The following TSBP1 variants were observed in gnomAD, a reference collection of about 807,000 sequenced individuals.
TSBP1 encodes the protein testis expressed basic protein 1, also known as testis-expressed basic protein 1.
In TSBP1, 56 loss-of-function variants were observed where a neutral mutation model predicts 68.8. The observed-to-expected ratio is 0.81, with a 90% CI of 0.66 to 1.02. The LOEUF (loss-of-function observed/expected upper bound fraction) is 1.02, where lower values mean the gene tolerates loss of function less well. TSBP1 is among the 50% of genes least tolerant of loss of function. The pLI is 0.00. For synonymous variants in TSBP1, 171 were observed against 208.7 expected (o/e 0.82, Z 1.56); for missense variants, 502 against 641.2 (o/e 0.78, Z 2.34).
intron 15 of TSBP1, 162 bp downstream of exon 16, chr6:32,331,872 C>T (rs1204724592): frequency 3.2e-6 from 2 of 620,578 alleles, no homozygotes; most frequent in Non-Finnish European, 2.8e-6. Context: ...CTTTAACCCT[C>T]GCCTTCCCTC....
intron 6 of TSBP1, among the ~76,000 whole-genome samples, chr6:32,363,025 A>G (rs1583176549): frequency 6.6e-6 from 1 of 152,280 alleles, no homozygotes; most frequent in East Asian, 1.9e-4. Context: ...TCAGTTATGT[A>G]AATATTATAT....
chr6:32,328,011 A>G (rs557607370), intron 16 of TSBP1, among the ~76,000 whole-genome samples: 66 of 150,448 alleles, frequency 4.4e-4, no homozygotes, highest in African/African-American at 1.5e-3. Context: ...TCACTGTGTT[A>G]GCCAGGATGG....
At chr6:32,355,206 A>G in intron 7 of TSBP1, 62 bp from the exon 8 acceptor site, 4 of 1,543,972 alleles carry the variant, frequency 2.6e-6, no homozygotes, top group Non-Finnish European at 3.6e-6. Flanking sequence ...TAATCTTTAC[A>G]TATCAGCTTC....
chr6:32,320,738 G>A (rs536121972), intron 18 of TSBP1, among the ~76,000 whole-genome samples: 5 of 152,238 alleles, frequency 3.3e-5, no homozygotes, highest in African/African-American at 9.6e-5. Flanking sequence ...GTGCAAGGTT[G>A]TTATATAGGT....
chr6:32,295,633 C>T (rs2127556747), intron 22 of TSBP1, among the ~76,000 whole-genome samples: 1 of 152,156 alleles, frequency 6.6e-6, no homozygotes, highest in East Asian at 1.9e-4. Context: ...TAGTAGCTAC[C>T]TCAAAGAGGT....
intron 14 of TSBP1, among the ~76,000 whole-genome samples, chr6:32,334,183 A>G (rs2022536): frequency 6.6e-6 from 1 of 151,588 alleles, no homozygotes; most frequent in African/African-American, 2.4e-5. Flanking sequence ...CTTTCTCAAC[A>G]TACTCATTTC....
intron 9 of TSBP1, among the ~76,000 whole-genome samples, chr6:32,349,274 G>T (rs1423815059): frequency 1.3e-5 from 2 of 149,838 alleles, no homozygotes; most frequent in African/African-American, 4.9e-5. Context: ...CAAACCCTTA[G>T]TGTCAGTTGC....
In TSBP1 at chr6:32,363,579, C is replaced by T. The variant is rs564352204; in HGVS notation, c.217+2588G>A. ...AAGCTTACATAAAACATGGTTTCAA[C>T]AGTCTATTTGAAGCTAATAATAACT... On this transcript the variant is annotated intron_variant, in intron 6 of 22. Coordinates refer to ENST00000612031, the Ensembl canonical transcript of TSBP1. Among the ~76,000 whole-genome samples, 12 of 151,276 alleles carry T rather than the reference C, an allele frequency of 7.9e-5. No homozygotes were observed. In the South Asian group the frequency reaches 2.5e-3, roughly 32 times the overall value.
intron 3 of TSBP1, 47 bp downstream of exon 3, chr6:32,368,735 A>G (rs768195327): frequency 2.0e-6 from 3 of 1,512,680 alleles, no homozygotes; most frequent in Non-Finnish European, 2.7e-6. Flanking sequence ...ACTTGTGAAA[A>G]TTCTATAAGT....
chr6:32,327,967 T>A (rs9268249), intron 16 of TSBP1, among the ~76,000 whole-genome samples: 79,458 of 145,750 alleles, frequency 0.55, 21,403 homozygotes, highest in Middle Eastern at 0.71. Context: ...TATTATTATT[T>A]TTTTTTTTTT....
At chr6:32,295,349 C>CAAAAAAAAAAAAAAAAAA (rs3038432) in intron 22 of TSBP1, among the ~76,000 whole-genome samples, 1 of 90,844 alleles carries the variant, frequency 1.1e-5, no homozygotes, top group Non-Finnish European at 2.4e-5. Context: ...CACACACACA[C>CAAAAAAAAAAAAAAAAAA]AAAAAAAAAA....
At position 32,293,515 on chromosome 6, in the gene TSBP1, ACT is replaced by A; in HGVS notation, c.1156_1157del (p.Gln387ValfsTer30). 6.2e-7 allele frequency: 1 copy of A among 1,611,360 alleles called. No homozygotes were observed. Among genetic ancestry groups the A allele is most frequent in the Non-Finnish European group, 8.5e-7 (1 of 1,179,452 alleles). The stretch of plus-strand genomic sequence containing the variant: ...CCTGTCCCTTTGAGACACCAGACTG[ACT>A]CTTCTTTACTTGGGATTCCTGTCTT... On this transcript the variant is annotated frameshift_variant, in exon 23 of 23. Coordinates refer to ENST00000612031, the Ensembl canonical transcript of TSBP1. LOFTEE classifies it low-confidence loss of function (END_TRUNC).
chr6:32,363,411 T>C (rs1055027735), intron 6 of TSBP1, among the ~76,000 whole-genome samples: 3 of 152,170 alleles, frequency 2.0e-5, no homozygotes, highest in East Asian at 3.9e-4. Context: ...AGTTATTTTC[T>C]TGGTTGTTTT....
chr6:32,333,369 G>T lies in TSBP1; in HGVS notation c.473-1315C>A, dbSNP rs927575792. Among the ~76,000 whole-genome samples, 2 of 152,156 alleles carry T rather than the reference G, an allele frequency of 1.3e-5. No homozygotes were observed. Among genetic ancestry groups the T allele is most frequent in the African/African-American group, 2.4e-5 (1 of 41,432 alleles). On this transcript the variant is annotated intron_variant, in intron 14 of 22. Transcript: ENST00000612031. This position sits in a 1 kb window ranked among gnomAD's most constrained non-coding sequence, Gnocchi z 4.2. ...CTTGATGTTAGACTGCATCTGAACTGGGAGAATTGTAAATATGTATTAAGA... is the reference window on the plus strand; with the variant it reads ...CTTGATGTTAGACTGCATCTGAACTTGGAGAATTGTAAATATGTATTAAGA...
intron 22 of TSBP1, among the ~76,000 whole-genome samples, chr6:32,296,096 G>A (rs146346485): frequency 0.023 from 3,474 of 151,626 alleles, 58 homozygotes; most frequent in South Asian, 0.048. Context: ...CACCTGCCTC[G>A]GCCTCCCAAA....
intron 19 of TSBP1, among the ~76,000 whole-genome samples, chr6:32,303,755 G>A (rs964572833): frequency 1.3e-5 from 2 of 152,114 alleles, no homozygotes; most frequent in Non-Finnish European, 2.9e-5. Context: ...AGCACTAGTG[G>A]TCCAAGTTTA....
chr6:32,299,385 T>A (rs1372340781), intron 22 of TSBP1, among the ~76,000 whole-genome samples: 1 of 152,230 alleles, frequency 6.6e-6, no homozygotes, highest in Non-Finnish European at 1.5e-5. Context: ...GGTATTTTGT[T>A]TTTAACTAGT....
At chr6:32,367,843 A>G (rs1404071208) in intron 4 of TSBP1, 82 bp downstream of exon 4, 17 of 1,021,656 alleles carry the variant, frequency 1.7e-5, no homozygotes, top group Non-Finnish European at 5.9e-6. Flanking sequence ...TCAACAAATC[A>G]TGCTCAAATG....
At chr6:32,353,989 A>G (rs1771992121) in intron 8 of TSBP1, among the ~76,000 whole-genome samples, 1 of 152,026 alleles carries the variant, frequency 6.6e-6, no homozygotes, top group African/African-American at 2.4e-5. Flanking sequence ...AGAAAGTATT[A>G]GATAAAATCT....
Sources: gnomAD v4.1 joint callset for allele counts (sites outside exome capture counted in the v4.1 genomes callset) on GRCh38, gnomAD v4.1.1 for gene constraint, Gnocchi (gnomAD v3.1) non-coding constraint, MANE v1.5 for transcripts, NCBI Gene and HGNC (gene_info 2026-07-23, HGNC 2026-07-21) for gene names.